The following SNX5 variants were observed in gnomAD, a reference collection of about 807,000 sequenced individuals.
SNX5 encodes sorting nexin 5, also known as sorting nexin-5.
SNX5 carries 31 observed loss-of-function variants against 53.9 expected under a neutral mutation model. The observed-to-expected ratio is 0.58, with a 90% confidence interval of 0.43 to 0.78. SNX5 has a LOEUF of 0.78. Ranked by LOEUF, SNX5 falls within the 30% of genes least tolerant of loss-of-function variation. The pLI is 0.00. For missense variants in SNX5, 471 were observed against 478.8 expected (o/e 0.98, Z 0.15); for synonymous variants, 168 against 171.1 (o/e 0.98, Z 0.14).
intron 1 of SNX5, among the ~76,000 whole-genome samples, chr20:17,967,249 A>G (rs1297575561): frequency 6.6e-6 from 1 of 151,688 alleles, no homozygotes; most frequent in Non-Finnish European, 1.5e-5. Context: ...ATCCCAATCC[A>G]TTATCTACCC....
At chr20:17,952,883 T>C (rs538751726) in intron 4 of SNX5, among the ~76,000 whole-genome samples, 173 bp from the exon 5 acceptor site, 24 of 152,346 alleles carry the variant, frequency 1.6e-4, no homozygotes, top group Admixed American at 1.4e-3. Context: ...CAGTTGCCAT[T>C]TTTGAATCTG....
At chr20:17,948,864 G>A (rs1230217091) in intron 10 of SNX5, 26 bp downstream of exon 10, 1 of 1,589,508 alleles carries the variant, frequency 6.3e-7, no homozygotes, top group Non-Finnish European at 8.6e-7. Flanking sequence ...GCACTGCTCT[G>A]AGAAGCTGAG....
Position 17,960,981 on chromosome 20 carries a change from A to G in SNX5, c.52-3944T>C, listed in dbSNP as rs551090682. 2.0e-5 allele frequency among the ~76,000 whole-genome samples: 3 copies of G among 152,302 alleles called. No individual in the cohort carries two copies. The South Asian group carries it at 6.2e-4, about 32-fold the overall frequency. ...ACTTCCCTACCAGGTCAATCCTTAC[A>G]ATACGGATTATAATCAGCCTTCACG... is the stretch of plus-strand genomic sequence containing the variant. On this transcript the variant is annotated intron_variant, in intron 1 of 12. Transcript: ENST00000377759.
chr20:17,950,096 T>C (rs780652419), intron 8 of SNX5, 36 bp downstream of exon 8: 4 of 1,578,870 alleles, frequency 2.5e-6, no homozygotes, highest in South Asian at 1.1e-5. Flanking sequence ...CACTCTTCAA[T>C]TGGGTTAGGG....
rs1425252501 is a variant in SNX5, at chr20:17,968,448, G to A, written c.-23C>T. The A allele has an allele frequency of 3.9e-6, 5 of 1,289,500 alleles. No individual in the cohort carries two copies. Among genetic ancestry groups the A allele is most frequent in the Admixed American group, 8.4e-5 (2 of 23,918 alleles). 79.9% of individuals were successfully genotyped at this position (1,289,500 alleles called of 1,614,324 possible). On this transcript the variant is annotated 5_prime_UTR_variant, in exon 1 of 13. Transcript: ENST00000377759. ...CATGGCGACGCGGGACTCGAGCAGG[G>A]GCCGCCTGGCTGTGCGAGGAAAGAA...
intron 10 of SNX5, among the ~76,000 whole-genome samples, chr20:17,948,380 AT>A (rs947959788): frequency 6.6e-6 from 1 of 152,110 alleles, no homozygotes. Context: ...GGGGGGAAAA[AT>A]TTTTTTTACT....
chr20:17,968,466 G>T lies in SNX5; in HGVS notation c.-41C>A. ...GAGCAGGGGCCGCCTGGCTGTGCGA[G>T]GAAAGAAGAAGCTGGGCCGCCGCCG... On this transcript the variant is annotated 5_prime_UTR_variant, in exon 1 of 13. Transcript: ENST00000377759. The T allele has an allele frequency of 7.8e-7, 1 of 1,290,088 alleles. No individual in the cohort carries two copies. Among genetic ancestry groups the T allele is most frequent in the Non-Finnish European group, 9.8e-7 (1 of 1,016,826 alleles). 79.9% of individuals were successfully genotyped at this position (1,290,088 alleles called of 1,614,324 possible).
chr20:17,946,471 G>A (rs2039489195), intron 11 of SNX5, among the ~76,000 whole-genome samples: 1 of 152,154 alleles, frequency 6.6e-6, no homozygotes, highest in African/African-American at 2.4e-5. Context: ...TGCTCCTATT[G>A]GCAAAGTCTG....
chr20:17,964,452 T>A (rs2035505700), intron 1 of SNX5, among the ~76,000 whole-genome samples: 1 of 152,186 alleles, frequency 6.6e-6, no homozygotes, highest in Non-Finnish European at 1.5e-5. Context: ...AAACTGCAAC[T>A]TACTCCTCCT....
intron 10 of SNX5, 70 bp from the exon 11 acceptor site, chr20:17,947,715 T>C (rs1240555341): frequency 6.8e-6 from 9 of 1,332,612 alleles, no homozygotes; most frequent in Non-Finnish European, 9.2e-6. Flanking sequence ...CAAGTGCCAA[T>C]GTACCACCTG....
At chr20:17,957,185 C>A in intron 1 of SNX5, 148 bp from the exon 2 acceptor site, 1 of 632,970 alleles carries the variant, frequency 1.6e-6, no homozygotes. Context: ...CCTGTAATCC[C>A]AGCACTTTGG....
At chr20:17,947,332 G>T in intron 11 of SNX5, 154 bp downstream of exon 11, 2 of 723,674 alleles carry the variant, frequency 2.8e-6, no homozygotes, top group Non-Finnish European at 4.4e-6. Flanking sequence ...AAAGCCATGA[G>T]GATGACTGTG....
intron 12 of SNX5, chr20:17,942,624 CAA>C: frequency 1.7e-6 from 1 of 582,692 alleles, no homozygotes; most frequent in Non-Finnish European, 3.1e-6. Flanking sequence ...GGCTACCAGC[CAA>C]AGAGCCGACG....
At chr20:17,955,294 A>G (rs1448793490) in intron 3 of SNX5, 71 bp downstream of exon 3, 5 of 1,062,362 alleles carry the variant, frequency 4.7e-6, no homozygotes, top group Admixed American at 4.5e-5. Flanking sequence ...AAAAGTGGAT[A>G]TAAGTCTCTT....
Position 17,948,989 on chromosome 20 carries a change from G to A in SNX5, c.832-13C>T. ...GACCCTCTACTTTCTATATAGAAAA[G>A]GAAAGGTCACCATCAAGGCAGAAAG... On this transcript the variant is annotated splice_polypyrimidine_tract_variant and intron_variant, in intron 9 of 12. Transcript: ENST00000377759. 6.2e-7 allele frequency: 1 copy of A among 1,611,412 alleles called. No individual in the cohort carries two copies. The highest frequency in any genetic ancestry group is 1.1e-5 in the South Asian group (1 of 90,990).
chr20:17,962,889 T>G (rs770669374), intron 1 of SNX5: 15 of 518,962 alleles, frequency 2.9e-5, no homozygotes, highest in Non-Finnish European at 5.8e-5. Flanking sequence ...GAACTGAGGC[T>G]TGGAAGAAGG....
intron 1 of SNX5, among the ~76,000 whole-genome samples, chr20:17,960,424 T>A (rs1346095981): frequency 1.3e-5 from 2 of 152,062 alleles, no homozygotes; most frequent in African/African-American, 4.8e-5. Flanking sequence ...TGAAACCCCG[T>A]CTCTACCAAA....
chr20:17,948,391 T>C (rs2039515500), intron 10 of SNX5, among the ~76,000 whole-genome samples: 1 of 152,228 alleles, frequency 6.6e-6, no homozygotes, highest in Non-Finnish European at 1.5e-5. Flanking sequence ...TTTTTTTTAC[T>C]CTTTTACTTT....
chr20:17,962,357 A>G (rs1344691941), intron 1 of SNX5, among the ~76,000 whole-genome samples: 6 of 150,878 alleles, frequency 4.0e-5, no homozygotes, highest in Non-Finnish European at 8.9e-5. Flanking sequence ...GGCGCCCACC[A>G]CCCCACCCAG....
Sources: gnomAD v4.1 joint callset for allele counts (sites outside exome capture counted in the v4.1 genomes callset) on GRCh38, gnomAD v4.1.1 for gene constraint, MANE v1.5 for transcripts, NCBI Gene and HGNC (gene_info 2026-07-23, HGNC 2026-07-21) for gene names.